WDR1: variants seen among roughly 807,000 people sequenced by gnomAD.
The protein encoded by WDR1 is WD repeat-containing protein 1.
In WDR1, 21 loss-of-function variants were observed where a neutral mutation model predicts 71.9. The ratio of observed to expected loss-of-function variants is 0.29; its 90% confidence interval spans 0.21 to 0.42. The LOEUF (loss-of-function observed/expected upper bound fraction) is 0.42. Among genes scored for constraint, WDR1 ranks in the 10% least tolerant of loss-of-function variants. The probability of loss-of-function intolerance (pLI) is 1.00; values close to 1 mark genes in which losing one functional copy is unlikely to be tolerated. For missense variants in WDR1, 696 were observed against 824.5 expected (o/e 0.84, Z 1.91); for synonymous variants, 424 against 347.4 (o/e 1.22, Z -2.45).
chr4:10,107,097 C>G (rs960475446), intron 2 of WDR1, among the ~76,000 whole-genome samples: 1 of 152,170 alleles, frequency 6.6e-6, no homozygotes, highest in African/African-American at 2.4e-5. Context: ...ATTCCAGGAG[C>G]CCCAGTGCTA....
At chr4:10,094,582 C>T (rs999048555) in intron 5 of WDR1, 3 of 152,204 alleles carry the variant, frequency 2.0e-5, no homozygotes, top group Non-Finnish European at 4.4e-5. Flanking sequence ...CCCCTGGGTT[C>T]GCAAAATGCC....
chr4:10,083,876 G>T (rs1328656629), intron 9 of WDR1, among the ~76,000 whole-genome samples: 1 of 152,212 alleles, frequency 6.6e-6, no homozygotes, highest in Non-Finnish European at 1.5e-5. Context: ...GGACTTATAA[G>T]GGGGACACAA....
In WDR1 at chr4:10,085,850, C is replaced by T. The variant is rs1711519365; in HGVS notation, c.952-1320G>A. On this transcript the variant is annotated intron_variant, in intron 8 of 14. Transcript: ENST00000499869. ...GATCAGCACCGAACATCAGCATCTG[C>T]GTGACTCACACAGGTGTGGCATTTG... Among the ~76,000 whole-genome samples the T allele has an allele frequency of 2.0e-5, 3 of 152,226 alleles. No homozygotes were observed. In the South Asian group the frequency reaches 6.2e-4, roughly 31 times the overall value.
At chr4:10,094,499 G>C (rs368572064) in intron 5 of WDR1, among the ~76,000 whole-genome samples, 4 of 152,316 alleles carry the variant, frequency 2.6e-5, no homozygotes, top group African/African-American at 9.6e-5. Context: ...TGGGTGAGAT[G>C]GGGGAAGGCA....
intron 3 of WDR1, among the ~76,000 whole-genome samples, chr4:10,100,069 C>T (rs1712599206): frequency 6.6e-6 from 1 of 152,254 alleles, no homozygotes; most frequent in African/African-American, 2.4e-5. Context: ...AGGCTTCACG[C>T]TTTAAAACCT....
intron 2 of WDR1, among the ~76,000 whole-genome samples, chr4:10,109,417 G>T (rs928445179): frequency 3.9e-5 from 6 of 152,202 alleles, no homozygotes; most frequent in African/African-American, 1.4e-4. Context: ...TCTTCCTTAC[G>T]GTTGGTCTCA....
At position 10,097,739 on chromosome 4, in the gene WDR1, G is replaced by T; in HGVS notation, c.530C>A (p.Pro177His). 1.9e-6 allele frequency: 3 copies of T among 1,609,788 alleles called. No individual in the cohort carries two copies. Among genetic ancestry groups the T allele is most frequent in the Non-Finnish European group, 2.5e-6 (3 of 1,177,902 alleles). ...DDNCAAFFEG[P>H]PFKFKFTIGD... Reference sequence around the variant, plus strand: ...AATTGTGAACTTGAACTTGAATGGGGGTCCCTCAAAGAATGCCGCGCAGTT... The same window carrying T: ...AATTGTGAACTTGAACTTGAATGGGTGTCCCTCAAAGAATGCCGCGCAGTT... Residue 177 changes from proline to histidine, a missense_variant, in exon 5 of 15, where the codon CCC becomes CAC. Physicochemically the swap from Pro to His is moderately conservative, Grantham distance 77. Transcript: ENST00000499869.
intron 2 of WDR1, among the ~76,000 whole-genome samples, chr4:10,113,829 G>A (rs931073271): frequency 1.3e-5 from 2 of 152,262 alleles, no homozygotes; most frequent in Non-Finnish European, 2.9e-5. Context: ...AAGGTTTGGG[G>A]CCTGAACAGC....
chr4:10,090,966 A>G (rs1711938840), intron 5 of WDR1, among the ~76,000 whole-genome samples: 1 of 152,240 alleles, frequency 6.6e-6, no homozygotes, highest in Non-Finnish European at 1.5e-5. Flanking sequence ...GGATGGAAGC[A>G]CCAGGCTGGC....
At chr4:10,097,622 G>C in intron 5 of WDR1, 89 bp downstream of exon 5, 1 of 1,421,796 alleles carries the variant, frequency 7.0e-7, no homozygotes, top group Non-Finnish European at 9.6e-7. Context: ...CATGTGCTGT[G>C]GTCTCTGCCA....
chr4:10,083,004 A>G lies in WDR1; in HGVS notation c.1196+18T>C, dbSNP rs1410413935. On this transcript the variant is annotated intron_variant, in intron 10 of 14. Transcript: ENST00000499869. ...GCTGAGGCTCATCCGGAACCCCCGC[A>G]GACCCGAGTGCTCTCACCTGTAGTC... 1.3e-6 allele frequency: 2 copies of G among 1,598,492 alleles called. No individual in the cohort carries two copies. Among genetic ancestry groups the G allele is most frequent in the Non-Finnish European group, 1.7e-6 (2 of 1,169,102 alleles).
At position 10,081,514 on chromosome 4, in the gene WDR1, A is replaced by C. The variant is rs535777298; in HGVS notation, c.1197-70T>G. 2.6e-5 allele frequency: 37 copies of C among 1,440,960 alleles called. No individual in the cohort carries two copies. In the South Asian group the frequency reaches 4.1e-4, roughly 16 times the overall value. The allele number at this position is 1,440,960 out of a possible 1,614,324, so 89.3% of individuals were successfully genotyped here. On this transcript the variant is annotated intron_variant, in intron 10 of 14. Coordinates refer to ENST00000499869, the MANE Select transcript of WDR1 (RefSeq NM_017491.5). ...TCAGGGTAGGTATGCATACATATTT[A>C]CTGTTAAACCACAGTTTTGCTCCTT...
intron 3 of WDR1, among the ~76,000 whole-genome samples, chr4:10,101,690 C>CT (rs1238622539): frequency 1.3e-5 from 2 of 152,198 alleles, no homozygotes; most frequent in African/African-American, 4.8e-5. Context: ...CATTGGACAC[C>CT]TTTCTGGGGA....
At chr4:10,095,136 A>C (rs554976264) in intron 5 of WDR1, among the ~76,000 whole-genome samples, 22 of 152,298 alleles carry the variant, frequency 1.4e-4, no homozygotes, top group African/African-American at 5.0e-4. Context: ...ACAGCTGCTC[A>C]TTCTCAGGAG....
intron 8 of WDR1, among the ~76,000 whole-genome samples, chr4:10,086,370 C>A (rs1397373536): frequency 6.6e-6 from 1 of 152,216 alleles, no homozygotes; most frequent in Non-Finnish European, 1.5e-5. Flanking sequence ...CAGCCTTCCC[C>A]CTCTCAGCAG....
At chr4:10,108,887 T>C (rs1713186234) in intron 2 of WDR1, among the ~76,000 whole-genome samples, 1 of 152,076 alleles carries the variant, frequency 6.6e-6, no homozygotes, top group Non-Finnish European at 1.5e-5. Context: ...CTGCCCTCAC[T>C]ACTTTCCACC....
chr4:10,099,170 GAGGCGGTGGTGGGGTAAAGGGCA>G, intron 3 of WDR1, 31 bp from the exon 4 acceptor site: 1 of 802,002 alleles, frequency 1.2e-6, no homozygotes, highest in South Asian at 1.4e-5. Context: ...GGGAGGGGGG[GAGGCGGTGGTGGGGTAAAGGGCA>G]GGGGGAGAGC....
At chr4:10,085,769 G>T (rs1188336203) in intron 8 of WDR1, among the ~76,000 whole-genome samples, 3 of 152,242 alleles carry the variant, frequency 2.0e-5, no homozygotes, top group African/African-American at 7.2e-5. Context: ...GAGCTCCCAG[G>T]TGGTTCTAAC....
intron 4 of WDR1, among the ~76,000 whole-genome samples, chr4:10,098,133 G>C (rs1712467038): frequency 6.6e-6 from 1 of 152,136 alleles, no homozygotes; most frequent in African/African-American, 2.4e-5. Context: ...GGGGATGCAT[G>C]TGTGTGTCTG....
Sources: allele counts gnomAD v4.1 joint callset (sites outside exome capture counted in the v4.1 genomes callset), GRCh38; gene constraint gnomAD v4.1.1; transcripts MANE v1.5; gene names NCBI Gene and HGNC (gene_info 2026-07-23, HGNC 2026-07-21).